The following NIN variants were observed in gnomAD, a reference collection of about 807,000 sequenced individuals.
NIN encodes glycogen synthase kinase 3 beta-interacting protein.
NIN carries 137 observed loss-of-function variants against 257.6 expected under a neutral mutation model. The observed-to-expected ratio is 0.53, with a 90% CI of 0.46 to 0.61. The LOEUF (loss-of-function observed/expected upper bound fraction) is 0.61. Ranked by LOEUF, NIN falls within the 20% of genes least tolerant of loss-of-function variation. The probability of loss-of-function intolerance (pLI) is 0.00; values close to 1 mark genes in which losing one functional copy is unlikely to be tolerated. For synonymous variants in NIN, 918 were observed against 919.8 expected (o/e 1.00, Z 0.04); for missense variants, 2,439 against 2,501.2 (o/e 0.98, Z 0.53).
At chr14:50,803,311 C>T (rs1461238825) in intron 4 of NIN, among the ~76,000 whole-genome samples, 1 of 152,152 alleles carries the variant, frequency 6.6e-6, no homozygotes, top group East Asian at 1.9e-4. Flanking sequence ...TGAGATTGTG[C>T]CACTGCACTC....
At chr14:50,771,281 C>G (rs1358071142) in intron 10 of NIN, 51 bp downstream of exon 10, 1 of 1,596,012 alleles carries the variant, frequency 6.3e-7, no homozygotes. Flanking sequence ...GAATGACTTG[C>G]TGGACAAGTA....
At chr14:50,756,047 A>G (rs1173258056) in intron 18 of NIN, among the ~76,000 whole-genome samples, 1 of 152,074 alleles carries the variant, frequency 6.6e-6, no homozygotes, top group African/African-American at 2.4e-5. Flanking sequence ...CATTTTTTCT[A>G]TATTAGCATA....
intron 3 of NIN, among the ~76,000 whole-genome samples, chr14:50,821,585 T>G (rs1046038607): frequency 2.6e-5 from 4 of 152,030 alleles, no homozygotes; most frequent in Admixed American, 1.3e-4. Flanking sequence ...GAATGTGGAG[T>G]CAATAAAATA....
At chr14:50,728,655 T>A (rs941128285) in intron 29 of NIN, among the ~76,000 whole-genome samples, 2 of 152,206 alleles carry the variant, frequency 1.3e-5, no homozygotes, top group African/African-American at 4.8e-5. Context: ...AATGTAGAAT[T>A]CCACAAAGAA....
chr14:50,746,226 CA>C (rs1348886008), intron 22 of NIN, among the ~76,000 whole-genome samples: 3 of 151,914 alleles, frequency 2.0e-5, no homozygotes, highest in Admixed American at 2.0e-4. Flanking sequence ...TTCAAAAAGT[CA>C]AGGAAAAAAG....
chr14:50,736,073 G>A (rs1424602990), intron 27 of NIN, among the ~76,000 whole-genome samples: 1 of 151,978 alleles, frequency 6.6e-6, no homozygotes, highest in African/African-American at 2.4e-5. Flanking sequence ...AAACTTAAAG[G>A]CTTAAAATTG....
At chr14:50,747,472 G>A (rs191739416) in intron 22 of NIN, among the ~76,000 whole-genome samples, 9 of 152,250 alleles carry the variant, frequency 5.9e-5, no homozygotes, top group African/African-American at 1.9e-4. Context: ...AGTGGCCCGC[G>A]CCTGTAATCC....
chr14:50,785,855 G>C (rs923177065), intron 5 of NIN, among the ~76,000 whole-genome samples: 10 of 152,158 alleles, frequency 6.6e-5, no homozygotes, highest in African/African-American at 2.4e-4. Context: ...TGCCACCTTT[G>C]AAGGCAAAGG....
chr14:50,737,633 G>T (rs1404792896), intron 27 of NIN, among the ~76,000 whole-genome samples: 11 of 141,624 alleles, frequency 7.8e-5, no homozygotes, highest in South Asian at 4.4e-4. Context: ...TTAAATTGTG[G>T]TTTTTTGTTG....
chr14:50,726,276 A>T, intron 29 of NIN: 1 of 485,356 alleles, frequency 2.1e-6, no homozygotes, highest in South Asian at 3.9e-5. Flanking sequence ...AGACTGAAAA[A>T]TCAAAAGAAT....
At chr14:50,811,863 G>A (rs568898222) in intron 3 of NIN, among the ~76,000 whole-genome samples, 7 of 151,784 alleles carry the variant, frequency 4.6e-5, no homozygotes, top group Admixed American at 6.6e-5. Context: ...GCGTGGTGGC[G>A]GGCGCCTGTA....
chr14:50,763,807 C>T lies in NIN; in HGVS notation c.1774+19G>A. The T allele has an allele frequency of 6.2e-7, 1 of 1,610,816 alleles. No homozygotes were observed. The highest frequency in any genetic ancestry group is 8.5e-7 in the Non-Finnish European group (1 of 1,177,478). Reference sequence around the variant, plus strand: ...ACAAGAGTAAAGGCTTTATCTACAGCCTGTCCGAATGTGTTTACCGTGTTC... The same window carrying T: ...ACAAGAGTAAAGGCTTTATCTACAGTCTGTCCGAATGTGTTTACCGTGTTC... On this transcript the variant is annotated intron_variant, in intron 15 of 30. Coordinates refer to ENST00000530997, the MANE Select transcript of NIN (RefSeq NM_020921.4).
intron 3 of NIN, among the ~76,000 whole-genome samples, chr14:50,811,431 A>G (rs1470636438): frequency 6.6e-6 from 1 of 151,810 alleles, no homozygotes; most frequent in Non-Finnish European, 1.5e-5. Flanking sequence ...CTCTTACAAC[A>G]CAGAAGAAAA....
intron 22 of NIN, among the ~76,000 whole-genome samples, chr14:50,745,692 T>C (rs531676303): frequency 6.6e-6 from 1 of 152,300 alleles, no homozygotes; most frequent in Admixed American, 6.5e-5. Flanking sequence ...TAAAGGACCT[T>C]CTACTTTATC....
At chr14:50,759,744 C>T in intron 17 of NIN, 113 bp downstream of exon 17, 3 of 1,132,514 alleles carry the variant, frequency 2.6e-6, no homozygotes, top group Non-Finnish European at 3.8e-6. Flanking sequence ...CCACCTCGGC[C>T]TCCCAGAGTG....
At position 50,746,373 on chromosome 14, in the gene NIN, G is replaced by C. The variant is rs114779028; in HGVS notation, c.5064+1619C>G. On this transcript the variant is annotated intron_variant, in intron 22 of 30. Coordinates refer to ENST00000530997, the MANE Select transcript of NIN (RefSeq NM_020921.4). ...GACTTCTCTAGTCACGGCAGAACATGCATTTTGCATAGCAGTAGTTAACTT... is the reference window on the plus strand; with the variant it reads ...GACTTCTCTAGTCACGGCAGAACATCCATTTTGCATAGCAGTAGTTAACTT... 8.0e-3 allele frequency among the ~76,000 whole-genome samples: 1,225 copies of C among 152,300 alleles called. 19 individuals carry two copies. The highest frequency in any genetic ancestry group is 0.027 in the African/African-American group (1,139 of 41,560).
Position 50,748,326 on chromosome 14 carries a change from C to A in NIN, c.4951-221G>T, listed in dbSNP as rs147741300. ...AACTAGGTATTGATGGAACGTATCTCCAAATAATAAGAGCTATTTATGACA... is the reference window on the plus strand; with the variant it reads ...AACTAGGTATTGATGGAACGTATCTACAAATAATAAGAGCTATTTATGACA... On this transcript the variant is annotated intron_variant, in intron 21 of 30. Transcript: ENST00000530997. Among the ~76,000 whole-genome samples the A allele has an allele frequency of 8.0e-3, 1,222 of 152,232 alleles. 19 individuals are homozygous for A. The highest frequency in any genetic ancestry group is 0.027 in the African/African-American group (1,136 of 41,522).
chr14:50,792,625 AC>A, intron 5 of NIN, 86 bp downstream of exon 5: 2 of 1,445,514 alleles, frequency 1.4e-6, no homozygotes, highest in Non-Finnish European at 9.6e-7. Flanking sequence ...CGTGCCATCA[AC>A]CCCCTCAGCT....
intron 21 of NIN, among the ~76,000 whole-genome samples, chr14:50,748,904 C>T (rs1052112519): frequency 5.9e-5 from 9 of 152,270 alleles, no homozygotes; most frequent in African/African-American, 9.6e-5. Context: ...TTTATAGATT[C>T]GGTGCTATTC....
Sources: gnomAD v4.1 joint callset for allele counts (sites outside exome capture counted in the v4.1 genomes callset) on GRCh38, gnomAD v4.1.1 for gene constraint, MANE v1.5 for transcripts, NCBI Gene and HGNC (gene_info 2026-07-23, HGNC 2026-07-21) for gene names.